Variants in PGM5 observed in about 807,000 individuals in gnomAD.
PGM5 encodes the protein phosphoglucomutase-like protein 5.
In PGM5, 23 loss-of-function variants were observed where a neutral mutation model predicts 59.2. The ratio of observed to expected loss-of-function variants is 0.39; its 90% CI spans 0.28 to 0.55. PGM5 has a LOEUF of 0.55. Among genes scored for constraint, PGM5 ranks in the 20% least tolerant of loss-of-function variants. The pLI is 0.66. For missense variants in PGM5, 574 were observed against 748.3 expected (o/e 0.77, Z 2.72); for synonymous variants, 214 against 286.0 (o/e 0.75, Z 2.54).
intron 6 of PGM5, among the ~76,000 whole-genome samples, chr9:68,463,272 C>G (rs1823885207): frequency 6.6e-6 from 1 of 151,754 alleles, no homozygotes; most frequent in Non-Finnish European, 1.5e-5. Context: ...GTCTTTCTTC[C>G]TCTTCTTTCT....
At chr9:68,502,777 C>T (rs1174315475) in intron 10 of PGM5, among the ~76,000 whole-genome samples, 1 of 152,168 alleles carries the variant, frequency 6.6e-6, no homozygotes, top group Non-Finnish European at 1.5e-5. Flanking sequence ...GTAACCTCCA[C>T]CTCTTGGATT....
At chr9:68,493,436 T>A (rs1440940666) in intron 9 of PGM5, among the ~76,000 whole-genome samples, 1 of 152,222 alleles carries the variant, frequency 6.6e-6, no homozygotes, top group Non-Finnish European at 1.5e-5. Context: ...AGTAGTTGCA[T>A]ATGGTTCAAC....
intron 10 of PGM5, among the ~76,000 whole-genome samples, chr9:68,522,280 C>A (rs1314017262): frequency 3.3e-5 from 5 of 152,126 alleles, no homozygotes; most frequent in Non-Finnish European, 5.9e-5. Flanking sequence ...AAACTGAGAA[C>A]AGATAGCAGA....
chr9:68,522,293 C>T (rs1269463283), intron 10 of PGM5, among the ~76,000 whole-genome samples: 1 of 152,152 alleles, frequency 6.6e-6, no homozygotes. Flanking sequence ...ATAGCAGACT[C>T]ACGCAAGCTC....
intron 6 of PGM5, among the ~76,000 whole-genome samples, chr9:68,443,320 T>C (rs894783838): frequency 3.3e-5 from 5 of 152,128 alleles, no homozygotes; most frequent in African/African-American, 1.2e-4. Context: ...GACAAAATTA[T>C]GGAGACAAAA....
chr9:68,374,797 T>G (rs2131987630), intron 1 of PGM5, among the ~76,000 whole-genome samples: 1 of 152,368 alleles, frequency 6.6e-6, no homozygotes, highest in South Asian at 2.1e-4. Context: ...TGTTCTAGGT[T>G]CTTGGAATAT....
In PGM5 at chr9:68,499,404, C is replaced by A. The variant is rs1414061213; in HGVS notation, c.1614+43C>A. On this transcript the variant is annotated intron_variant, in intron 10 of 10. Coordinates refer to ENST00000396396, the MANE Select transcript of PGM5 (RefSeq NM_021965.4). ...CTCCCAGCAGTGTGTCTCGCAGCTCCTGGCAAATTTAGAGAGCTCCATGGG... is the reference window on the plus strand; with the variant it reads ...CTCCCAGCAGTGTGTCTCGCAGCTCATGGCAAATTTAGAGAGCTCCATGGG... 1.9e-6 allele frequency: 3 copies of A among 1,596,462 alleles called. No homozygotes were observed. The African/African-American group carries it at 4.0e-5, about 21-fold the overall frequency.
chr9:68,498,595 G>A (rs891810379), intron 9 of PGM5: 3 of 152,382 alleles, frequency 2.0e-5, no homozygotes, highest in Non-Finnish European at 4.4e-5. Context: ...TCTCCTAGGT[G>A]TGCATCCTTA....
rs570180608 is a variant in PGM5, at chr9:68,362,954, C to T, written c.261+5566C>T. Among the ~76,000 whole-genome samples the T allele has an allele frequency of 8.0e-4, 121 of 150,724 alleles. 1 individual carries two copies. In the East Asian group the frequency reaches 0.013, roughly 16 times the overall value. ...CACAATCTTGGCTCACTAGAACTTC[C>T]GCCTCCTGGGTTCCAGTGATTCTCC... On this transcript the variant is annotated intron_variant, in intron 1 of 10. Transcript: ENST00000396396.
At chr9:68,487,463 TACAC>T (rs67566624) in intron 9 of PGM5, among the ~76,000 whole-genome samples, 8,200 of 141,790 alleles carry the variant, frequency 0.058, 240 homozygotes, top group East Asian at 0.11. Flanking sequence ...CACACGCACA[TACAC>T]ACACACACAC....
chr9:68,511,273 C>T (rs1023178588), intron 10 of PGM5, among the ~76,000 whole-genome samples: 2 of 152,184 alleles, frequency 1.3e-5, no homozygotes, highest in Admixed American at 1.3e-4. Flanking sequence ...AATTTGGTAT[C>T]TTACTGCTAC....
At chr9:68,466,270 G>GGTTTTTTT in intron 7 of PGM5, 1 of 558,470 alleles carries the variant, frequency 1.8e-6, no homozygotes, top group Non-Finnish European at 2.3e-6. Flanking sequence ...GATACTGTGT[G>GGTTTTTTT]TTTTTTTTTT....
chr9:68,378,381 C>A lies in PGM5; in HGVS notation c.424+20C>A. 1.3e-6 allele frequency: 2 copies of A among 1,577,048 alleles called. No individual in the cohort carries two copies. Among genetic ancestry groups the A allele is most frequent in the Non-Finnish European group, 1.7e-6 (2 of 1,163,420 alleles). ...ATGGAGGTATGTGGTTCAGCATATG[C>A]CTTAATAATTACGATTTCTTTCCTC... is the stretch of plus-strand genomic sequence containing the variant. On this transcript the variant is annotated intron_variant, in intron 2 of 10. Coordinates refer to ENST00000396396, the MANE Select transcript of PGM5 (RefSeq NM_021965.4).
chr9:68,463,149 G>GT (rs1430596024), intron 6 of PGM5, among the ~76,000 whole-genome samples: 70 of 151,424 alleles, frequency 4.6e-4, no homozygotes, highest in African/African-American at 1.6e-3. Flanking sequence ...GAAAAGGGAG[G>GT]TGTTCACCTT....
At chr9:68,470,903 T>C (rs1326081741) in intron 7 of PGM5, among the ~76,000 whole-genome samples, 2 of 152,230 alleles carry the variant, frequency 1.3e-5, no homozygotes, top group Admixed American at 6.5e-5. Context: ...GGTGCTATGA[T>C]TGACACCCCC....
At chr9:68,360,157 C>G (rs1834549731) in intron 1 of PGM5, among the ~76,000 whole-genome samples, 1 of 152,106 alleles carries the variant, frequency 6.6e-6, no homozygotes, top group Admixed American at 6.6e-5. Context: ...CTAGGAAAAA[C>G]TACAGTTACT....
At chr9:68,474,869 T>G (rs1554686536) in intron 7 of PGM5, among the ~76,000 whole-genome samples, 2 of 149,900 alleles carry the variant, frequency 1.3e-5, no homozygotes, top group African/African-American at 2.5e-5. Context: ...TAAAAAGACA[T>G]GAAGGAACCA....
chr9:68,393,862 A>G (rs1405300792), intron 6 of PGM5: 1 of 152,166 alleles, frequency 6.6e-6, no homozygotes, highest in Non-Finnish European at 1.5e-5. Flanking sequence ...AAACAATACA[A>G]ATGTCCATCA....
intron 1 of PGM5, among the ~76,000 whole-genome samples, chr9:68,363,023 C>T (rs1191982234): frequency 2.0e-5 from 3 of 151,772 alleles, no homozygotes; most frequent in Non-Finnish European, 2.9e-5. Flanking sequence ...CATGCACCAC[C>T]ACGCCTAGCT....
Sources: gnomAD v4.1 joint callset for allele counts (sites outside exome capture counted in the v4.1 genomes callset) on GRCh38, gnomAD v4.1.1 for gene constraint, MANE v1.5 for transcripts, NCBI Gene and HGNC (gene_info 2026-07-23, HGNC 2026-07-21) for gene names.